ARHGEF18: variants seen among roughly 807,000 people sequenced by gnomAD.
ARHGEF18 encodes Rho/Rac guanine nucleotide exchange factor 18, also known as rho guanine nucleotide exchange factor 18.
Under a neutral mutation model 155.7 loss-of-function variants are expected in ARHGEF18, and 93 were observed. That is an observed-to-expected ratio of 0.60 (90% CI 0.50 to 0.71). The LOEUF is 0.71. Among genes scored for constraint, ARHGEF18 ranks in the 30% least tolerant of loss-of-function variants. The pLI is 0.00. For missense variants in ARHGEF18, 1,593 were observed against 1,816.1 expected (o/e 0.88, Z 2.23); for synonymous variants, 742 against 753.1 (o/e 0.99, Z 0.24).
intron 10 of ARHGEF18, among the ~76,000 whole-genome samples, chr19:7,432,431 G>A (rs557121365): frequency 6.6e-6 from 1 of 152,268 alleles, no homozygotes; most frequent in South Asian, 2.1e-4. Context: ...CTGAGACCAG[G>A]CCTTGAAACC....
chr19:7,427,818 C>T (rs755822100), intron 10 of ARHGEF18, among the ~76,000 whole-genome samples: 6 of 151,720 alleles, frequency 4.0e-5, no homozygotes, highest in Non-Finnish European at 5.9e-5. Context: ...TGTTGGCACA[C>T]GCCTGTAATC....
chr19:7,452,443 G>T (rs1975543192), intron 16 of ARHGEF18, among the ~76,000 whole-genome samples: 1 of 152,084 alleles, frequency 6.6e-6, no homozygotes, highest in Admixed American at 6.6e-5. Flanking sequence ...ACAGGAGGTG[G>T]AGGGAATCTA....
Position 7,416,530 on chromosome 19 carries a change from C to CGTGTGTGTGT in ARHGEF18, c.968-23775_968-23766dup, listed in dbSNP as rs71179108. Among the ~76,000 whole-genome samples the CGTGTGTGTGT allele has an allele frequency of 5.7e-3, 600 of 105,926 alleles. 3 individuals are homozygous for CGTGTGTGTGT. The highest frequency in any genetic ancestry group is 0.013 in the Middle Eastern group (2 of 158). The allele number at this position is 105,926 out of a possible 152,430, so 69.5% of individuals were successfully genotyped here. On this transcript the variant is annotated intron_variant, in intron 10 of 28. Coordinates refer to ENST00000668164, the MANE Select transcript of ARHGEF18 (RefSeq NM_001367823.1). The stretch of plus-strand genomic sequence containing the variant: ...TGTGATGTGCCTCACGGAGAAAATT[C>CGTGTGTGTGT]GTGTGTGTGTGTGTGTGTGTGTGTG...
intron 19 of ARHGEF18, 51 bp downstream of exon 19, chr19:7,458,741 G>C (rs754587796): frequency 6.4e-7 from 1 of 1,557,672 alleles, no homozygotes; most frequent in Non-Finnish European, 8.7e-7. Context: ...TCCGCTGATT[G>C]GTCCACCCTT....
intron 10 of ARHGEF18, among the ~76,000 whole-genome samples, chr19:7,426,702 GC>G (rs1184946439): frequency 3.9e-5 from 6 of 152,100 alleles, no homozygotes; most frequent in Admixed American, 3.9e-4. Context: ...GAGAACGTTT[GC>G]TCAGAATGGA....
chr19:7,371,555 A>G (rs1415565759), intron 2 of ARHGEF18, among the ~76,000 whole-genome samples: 2 of 152,040 alleles, frequency 1.3e-5, no homozygotes, highest in South Asian at 2.1e-4. Context: ...GAGTGGTGGC[A>G]CATGTCTGTA....
At chr19:7,423,976 G>T (rs765242485) in intron 10 of ARHGEF18, among the ~76,000 whole-genome samples, 2 of 152,010 alleles carry the variant, frequency 1.3e-5, no homozygotes, top group Non-Finnish European at 2.9e-5. Flanking sequence ...TTGATTTGGG[G>T]TGGCATCAAA....
intron 2 of ARHGEF18, among the ~76,000 whole-genome samples, chr19:7,368,830 TCA>T (rs1246874776): frequency 1.3e-5 from 2 of 151,850 alleles, no homozygotes; most frequent in Non-Finnish European, 1.5e-5. Flanking sequence ...GCCGCCCAAG[TCA>T]CATGAGGGCC....
intron 6 of ARHGEF18, 71 bp from the exon 7 acceptor site, chr19:7,379,051 C>T (rs1970600674): frequency 8.2e-7 from 1 of 1,214,424 alleles, no homozygotes; most frequent in South Asian, 4.2e-5. Flanking sequence ...GCAACCCCAG[C>T]TTATCTAGGG....
chr19:7,440,532 G>A lies in ARHGEF18; in HGVS notation c.1106+50G>A. On this transcript the variant is annotated intron_variant, in intron 11 of 28. Transcript: ENST00000668164. The surrounding 1 kb of genome is among the most constrained non-coding windows in gnomAD (Gnocchi z 5.4). ...CTCGGGTGGGTGGTGGCATTCCCCG[G>A]GGAGCTGTTGACAGCCTCTTCGGAG... The A allele has an allele frequency of 6.4e-7, 1 of 1,550,558 alleles. No individual in the cohort carries two copies. Among genetic ancestry groups the A allele is most frequent in the South Asian group, 1.2e-5 (1 of 84,072 alleles).
At chr19:7,449,733 A>G (rs1358354867) in intron 15 of ARHGEF18, among the ~76,000 whole-genome samples, 1 of 151,968 alleles carries the variant, frequency 6.6e-6, no homozygotes, top group South Asian at 2.1e-4. Flanking sequence ...CTGGAGTGCA[A>G]TGGAAGAATC....
At chr19:7,451,328 T>G in intron 16 of ARHGEF18, 62 bp downstream of exon 16, 1 of 1,390,980 alleles carries the variant, frequency 7.2e-7, no homozygotes, top group Non-Finnish European at 1.0e-6. Context: ...TCTCTCCGTG[T>G]ACCCACTCCC....
intron 5 of ARHGEF18, among the ~76,000 whole-genome samples, chr19:7,377,088 T>TTG (rs964833079): frequency 6.7e-6 from 1 of 150,310 alleles, no homozygotes; most frequent in Non-Finnish European, 1.5e-5. Flanking sequence ...TTTTTTTTTT[T>TTG]GAGATAGAGT....
intron 16 of ARHGEF18, 138 bp downstream of exon 16, chr19:7,451,404 CTTTT>C (rs35473770): frequency 1.3e-3 from 491 of 376,732 alleles, no homozygotes; most frequent in Admixed American, 1.6e-3. Flanking sequence ...GGGTTCCTTC[CTTTT>C]TTTTTTTTTT....
At chr19:7,375,626 C>T in intron 3 of ARHGEF18, 94 bp from the exon 4 acceptor site, 1 of 1,187,666 alleles carries the variant, frequency 8.4e-7, no homozygotes, top group Non-Finnish European at 1.1e-6. Flanking sequence ...GGAAGGGCCC[C>T]CTTGCATGTT....
At position 7,470,520 on chromosome 19, in the gene ARHGEF18, T is replaced by A. The variant is rs1976963585; in HGVS notation, c.*222T>A. On this transcript the variant is annotated 3_prime_UTR_variant, in exon 29 of 29. Coordinates refer to ENST00000668164, the MANE Select transcript of ARHGEF18 (RefSeq NM_001367823.1). This position sits in a 1 kb window ranked among gnomAD's most constrained non-coding sequence, Gnocchi z 5.9. Reference sequence around the variant, plus strand: ...CCGGGGTCACTTTCTGAATCTCTTTTTTTTTTTTTCAAAAAGGAAAGTTTT... The same window carrying A: ...CCGGGGTCACTTTCTGAATCTCTTTATTTTTTTTTCAAAAAGGAAAGTTTT... 4 of 419,744 alleles carry A rather than the reference T, an allele frequency of 9.5e-6. No homozygotes were observed. The highest frequency in any genetic ancestry group is 2.0e-5 in the African/African-American group (1 of 48,792). The allele number at this position is 419,744 out of a possible 1,614,324, so 26.0% of individuals were successfully genotyped here. A position where few individuals can be genotyped will look rare whatever the true frequency, so the allele number is the denominator to read the frequency against.
At chr19:7,443,890 C>T (rs898886915) in intron 13 of ARHGEF18, among the ~76,000 whole-genome samples, 3 of 149,198 alleles carry the variant, frequency 2.0e-5, no homozygotes, top group African/African-American at 7.4e-5. Context: ...GGCGACAGAG[C>T]AAGACTCCAT....
intron 1 of ARHGEF18, among the ~76,000 whole-genome samples, chr19:7,357,090 G>A (rs1341209447): frequency 1.3e-5 from 2 of 152,198 alleles, no homozygotes; most frequent in Admixed American, 6.5e-5. Context: ...GGCTCAGAGA[G>A]GTTGAGCGAC....
chr19:7,469,123 A>T lies in ARHGEF18; in HGVS notation c.3779A>T (p.Glu1260Val). The T allele has an allele frequency of 6.3e-7, 1 of 1,598,620 alleles. No individual in the cohort carries two copies. Among genetic ancestry groups the T allele is most frequent in the Non-Finnish European group, 8.5e-7 (1 of 1,173,550 alleles). Residue 1260 changes from glutamate to valine, a missense_variant, in exon 27 of 29, where the codon GAG becomes GTG. By Grantham distance (121) the Glu-to-Val change is moderately radical. Coordinates refer to ENST00000668164, the MANE Select transcript of ARHGEF18 (RefSeq NM_001367823.1). ...AAGAGCAGGGGCTCTCAGCGCTGGG[A>T]GAGCTCAGGTGAGCCGGCCCCACCC... ...GGKSRGSQRW[E>V]SSASFDLKQQ...
Sources: allele counts gnomAD v4.1 joint callset (sites outside exome capture counted in the v4.1 genomes callset), GRCh38; gene constraint gnomAD v4.1.1; non-coding constraint Gnocchi (gnomAD v3.1); transcripts MANE v1.5; gene names NCBI Gene and HGNC (gene_info 2026-07-23, HGNC 2026-07-21).